NCF2: variants seen among roughly 807,000 people sequenced by gnomAD.
NCF2 encodes the protein neutrophil cytosol factor 2.
Under a neutral mutation model 70.9 loss-of-function variants are expected in NCF2, and 45 were observed. That is an observed-to-expected ratio of 0.63 (90% CI 0.50 to 0.81). The LOEUF (loss-of-function observed/expected upper bound fraction) is 0.81. Among genes scored for constraint, NCF2 ranks in the 40% least tolerant of loss-of-function variants. The probability of loss-of-function intolerance (pLI) is 0.00; values close to 1 mark genes in which losing one functional copy is unlikely to be tolerated. For synonymous variants in NCF2, 203 were observed against 233.6 expected, an observed-to-expected ratio of 0.87 and a Z score of 1.19; for missense variants, 522 against 631.6, an observed-to-expected ratio of 0.83 and a Z score of 1.86.
At chr1:183,559,690 C>T (rs1213085967) in intron 14 of NCF2, among the ~76,000 whole-genome samples, 4 of 152,162 alleles carry the variant, frequency 2.6e-5, no homozygotes, top group Non-Finnish European at 4.4e-5. Flanking sequence ...AAAACCCCAT[C>T]TCTACTAAAT....
chr1:183,556,861 C>T (rs200287180), intron 14 of NCF2, among the ~76,000 whole-genome samples: 2 of 152,160 alleles, frequency 1.3e-5, no homozygotes, highest in South Asian at 2.1e-4. Context: ...ATTTTACCTG[C>T]GCTTTGTTGG....
chr1:183,560,831 A>G lies in NCF2; in HGVS notation c.1291-558T>C, dbSNP rs150496854. On this transcript the variant is annotated intron_variant, in intron 13 of 14. Coordinates refer to ENST00000367535, the MANE Select transcript of NCF2 (RefSeq NM_000433.4). Reference sequence around the variant, plus strand: ...TAAAATATCTTACTGAAACCTTACAATAATCTTGAGACAGGTAGAATGGGC... The same window carrying G: ...TAAAATATCTTACTGAAACCTTACAGTAATCTTGAGACAGGTAGAATGGGC... Among the ~76,000 whole-genome samples, 49 of 152,360 alleles carry G rather than the reference A, an allele frequency of 3.2e-4. 1 individual carries two copies. The East Asian group carries it at 7.7e-3, about 24-fold the overall frequency.
chr1:183,563,512 T>A lies in NCF2; in HGVS notation c.1100A>T (p.Gln367Leu). 1.2e-6 allele frequency: 2 copies of A among 1,614,146 alleles called. No homozygotes were observed. Among genetic ancestry groups the A allele is most frequent in the South Asian group, 2.2e-5 (2 of 91,082 alleles). Reference sequence around the variant, plus strand: ...GACCTGGCTGTAGGGGAGCCCGGGCTGAGTCTTCATGACTACCGTGTACTT... The same window carrying A: ...GACCTGGCTGTAGGGGAGCCCGGGCAGAGTCTTCATGACTACCGTGTACTT... Reference protein sequence around the residue: ...HYKYTVVMKTQPGLPYSQVRD... With the variant: ...HYKYTVVMKTLPGLPYSQVRD... Residue 367 changes from glutamine to leucine, a missense_variant, in exon 12 of 15, where the codon CAG (glutamine) becomes CTG (leucine). By Grantham distance (113) the Gln-to-Leu change is moderately radical. Coordinates refer to ENST00000367535, the MANE Select transcript of NCF2 (RefSeq NM_000433.4).
chr1:183,564,283 A>G (rs1384947488), intron 10 of NCF2, among the ~76,000 whole-genome samples: 1 of 151,994 alleles, frequency 6.6e-6, no homozygotes, highest in Admixed American at 6.6e-5. Flanking sequence ...AAGGACCAGC[A>G]TATCCTCACC....
At chr1:183,558,924 G>A (rs985177070) in intron 14 of NCF2, among the ~76,000 whole-genome samples, 3 of 152,180 alleles carry the variant, frequency 2.0e-5, no homozygotes, top group African/African-American at 7.2e-5. Context: ...TGTTATAATT[G>A]ATGGTAGTTT....
Position 183,573,309 on chromosome 1 carries a change from G to T in NCF2, c.502-17C>A. On this transcript the variant is annotated splice_polypyrimidine_tract_variant and intron_variant, in intron 4 of 14. Coordinates refer to ENST00000367535, the MANE Select transcript of NCF2 (RefSeq NM_000433.4). ...CTTCTGCTTCTGTAACACAGAAAAC[G>T]TAGCATTCCCTTATGTGAAAATGGG... The T allele has an allele frequency of 3.1e-6, 5 of 1,607,918 alleles. No individual in the cohort carries two copies. The highest frequency in any genetic ancestry group is 4.3e-6 in the Non-Finnish European group (5 of 1,174,336).
At chr1:183,562,188 T>G (rs1672091506) in intron 13 of NCF2, among the ~76,000 whole-genome samples, 1 of 152,128 alleles carries the variant, frequency 6.6e-6, no homozygotes, top group Admixed American at 6.5e-5. Context: ...GGGTTGGCTA[T>G]GTGCAGCCAC....
chr1:183,596,703 C>G, the NCF2 span, among the ~76,000 whole-genome samples: 4 of 151,734 alleles, frequency 2.6e-5, no homozygotes, highest in South Asian at 8.3e-4. Context: ...CATTGCATCA[C>G]TGCACTCCAG....
intron 2 of NCF2, among the ~76,000 whole-genome samples, chr1:183,586,197 G>T (rs1673340203): frequency 6.6e-6 from 1 of 152,170 alleles, no homozygotes; most frequent in South Asian, 2.1e-4. Context: ...AGCTGGGTGT[G>T]GTGGCGCATG....
rs192630495 is a variant in NCF2, at chr1:183,580,086, G to A, written c.258-2379C>T. ...GCCAAGAGAGTCATAAGGAACGGGTGCCAGTGTGGCTGGGGGAGAAGCCAT... is the reference window on the plus strand; with the variant it reads ...GCCAAGAGAGTCATAAGGAACGGGTACCAGTGTGGCTGGGGGAGAAGCCAT... On this transcript the variant is annotated intron_variant, in intron 2 of 14. Coordinates refer to ENST00000367535, the MANE Select transcript of NCF2 (RefSeq NM_000433.4). Among the ~76,000 whole-genome samples the A allele has an allele frequency of 4.7e-3, 717 of 152,338 alleles. 7 individuals carry two copies. Among genetic ancestry groups the A allele is most frequent in the Non-Finnish European group, 5.1e-3 (350 of 68,032 alleles).
intron 2 of NCF2, among the ~76,000 whole-genome samples, chr1:183,577,966 C>G (rs928856776): frequency 3.3e-5 from 5 of 152,226 alleles, no homozygotes; most frequent in African/African-American, 1.2e-4. Context: ...AGTTTCTTCT[C>G]TATTGACTGC....
At chr1:183,571,245 G>A (rs1203582847) in intron 5 of NCF2, among the ~76,000 whole-genome samples, 8 of 150,130 alleles carry the variant, frequency 5.3e-5, no homozygotes, top group African/African-American at 2.0e-4. Flanking sequence ...AGCCTCCCGA[G>A]TAGCTGATAT....
intron 2 of NCF2, among the ~76,000 whole-genome samples, chr1:183,584,784 C>T (rs1040537469): frequency 1.2e-4 from 19 of 152,098 alleles, no homozygotes; most frequent in African/African-American, 4.6e-4. Flanking sequence ...CGGGGACAGG[C>T]AGTTAGAGGC....
chr1:183,601,259 G>T, the NCF2 span, among the ~76,000 whole-genome samples: 3 of 152,106 alleles, frequency 2.0e-5, no homozygotes, highest in African/African-American at 7.2e-5. Context: ...TCTCTTATCA[G>T]TACATAGAAA....
At chr1:183,589,356 G>T (rs1198917196) in intron 1 of NCF2, among the ~76,000 whole-genome samples, 1 of 152,134 alleles carries the variant, frequency 6.6e-6, no homozygotes, top group Non-Finnish European at 1.5e-5. Flanking sequence ...AGAAACTCAG[G>T]AAGCTGAAAG....
chr1:183,588,224 C>G lies in NCF2; in HGVS notation c.175-1247G>C, dbSNP rs189885136. Among the ~76,000 whole-genome samples, 23 of 152,258 alleles carry G rather than the reference C, an allele frequency of 1.5e-4. No individual in the cohort carries two copies. In the East Asian group the frequency reaches 4.4e-3, roughly 29 times the overall value. On this transcript the variant is annotated intron_variant, in intron 1 of 14. Transcript: ENST00000367535. ...AAGATACAATTCCTATCCAACACAA[C>G]AGAGCACCTTGTCCAGGAGAGTAGT...
At chr1:183,562,456 T>C (rs919488992) in intron 13 of NCF2, among the ~76,000 whole-genome samples, 4 of 152,068 alleles carry the variant, frequency 2.6e-5, no homozygotes, top group Non-Finnish European at 5.9e-5. Flanking sequence ...GGGAGTCTCA[T>C]CCCCAGTGGC....
chr1:183,562,495 G>A (rs943465554), intron 13 of NCF2, among the ~76,000 whole-genome samples: 1 of 152,020 alleles, frequency 6.6e-6, no homozygotes, highest in Non-Finnish European at 1.5e-5. Context: ...TTTTCTGAAC[G>A]GGGAAGATAC....
chr1:183,585,435 C>G (rs1475850235), intron 2 of NCF2, among the ~76,000 whole-genome samples: 1 of 152,032 alleles, frequency 6.6e-6, no homozygotes. Flanking sequence ...ACCAGCGTGG[C>G]CAACATGGTG....
Sources: allele counts gnomAD v4.1 joint callset (sites outside exome capture counted in the v4.1 genomes callset), GRCh38; gene constraint gnomAD v4.1.1; transcripts MANE v1.5; gene names NCBI Gene and HGNC (gene_info 2026-07-23, HGNC 2026-07-21).